HIVEP3: variants seen among roughly 807,000 people sequenced by gnomAD.
HIVEP3 encodes transcription factor HIVEP3.
In HIVEP3, 49 loss-of-function variants were observed where a neutral mutation model predicts 152.8. The observed-to-expected ratio is 0.32, with a 90% CI of 0.26 to 0.41. The LOEUF (loss-of-function observed/expected upper bound fraction) is 0.41, where lower values mean the gene tolerates loss of function less well. HIVEP3 is among the 10% of genes least tolerant of loss of function. The probability of loss-of-function intolerance (pLI) is 1.00; values close to 1 mark genes in which losing one functional copy is unlikely to be tolerated. For synonymous variants in HIVEP3, 1,269 were observed against 1,289.0 expected, an observed-to-expected ratio of 0.98 and a Z score of 0.33; for missense variants, 2,790 against 3,103.3, an observed-to-expected ratio of 0.90 and a Z score of 2.40.
At chr1:41,757,406 C>T (rs1240711723) in intron 1 of HIVEP3, among the ~76,000 whole-genome samples, 2 of 151,878 alleles carry the variant, frequency 1.3e-5, no homozygotes, top group African/African-American at 4.8e-5. Flanking sequence ...CGTGAGCCAC[C>T]GTGCCCGGCC....
intron 1 of HIVEP3, among the ~76,000 whole-genome samples, chr1:41,736,361 C>T (rs1232115034): frequency 6.6e-6 from 1 of 152,210 alleles, no homozygotes; most frequent in Admixed American, 6.5e-5. Context: ...TGACAAGCTA[C>T]AGATGCTCAG....
At chr1:41,568,324 G>T (rs1368254865) in intron 5 of HIVEP3, among the ~76,000 whole-genome samples, 1 of 152,258 alleles carries the variant, frequency 6.6e-6, no homozygotes, top group Non-Finnish European at 1.5e-5. Flanking sequence ...TCTGGAAAAA[G>T]AGCTCCAGGC....
At chr1:41,562,520 CTCCCT>C (rs1224635852) in intron 5 of HIVEP3, among the ~76,000 whole-genome samples, 9 of 144,976 alleles carry the variant, frequency 6.2e-5, no homozygotes, top group African/African-American at 1.3e-4. Flanking sequence ...TTTCTCCTTC[CTCCCT>C]TCCCTTCCCT....
At chr1:41,761,595 C>T (rs1647684822) in intron 1 of HIVEP3, among the ~76,000 whole-genome samples, 1 of 152,062 alleles carries the variant, frequency 6.6e-6, no homozygotes. Context: ...TGTATGTGTG[C>T]ATGTGTGTGT....
intron 1 of HIVEP3, among the ~76,000 whole-genome samples, chr1:41,876,765 T>TA (rs377180065): frequency 6.6e-6 from 1 of 152,356 alleles, no homozygotes; most frequent in African/African-American, 2.4e-5. Context: ...TTTGAATAGC[T>TA]AAACACTAAC....
chr1:41,605,870 T>C (rs1004191012), intron 3 of HIVEP3, among the ~76,000 whole-genome samples: 1 of 152,312 alleles, frequency 6.6e-6, no homozygotes, highest in Admixed American at 6.5e-5. Flanking sequence ...GATTTGTTTA[T>C]TTAAATAAAT....
chr1:41,890,274 C>A (rs1372503644), intron 1 of HIVEP3, among the ~76,000 whole-genome samples: 1 of 152,148 alleles, frequency 6.6e-6, no homozygotes, highest in Non-Finnish European at 1.5e-5. Flanking sequence ...CAGAGACAAC[C>A]AAACATAGCA....
intron 2 of HIVEP3, among the ~76,000 whole-genome samples, chr1:41,650,394 GAGGA>G (rs1645530064): frequency 1.3e-5 from 2 of 152,212 alleles, no homozygotes; most frequent in African/African-American, 2.4e-5. Flanking sequence ...TACAGACTCT[GAGGA>G]AGGAAGAAGA....
At chr1:41,978,747 C>T (rs1645276516) in intron 1 of HIVEP3, among the ~76,000 whole-genome samples, 1 of 152,166 alleles carries the variant, frequency 6.6e-6, no homozygotes, top group Non-Finnish European at 1.5e-5. Context: ...ACAAAAGAGA[C>T]AGAGCCATGG....
chr1:41,785,593 TG>T (rs1210630556), intron 1 of HIVEP3, among the ~76,000 whole-genome samples: 1 of 152,160 alleles, frequency 6.6e-6, no homozygotes, highest in Non-Finnish European at 1.5e-5. Context: ...AAATATTTAT[TG>T]GTGTGAGAAA....
chr1:41,890,598 AT>A (rs1224710178), intron 1 of HIVEP3, among the ~76,000 whole-genome samples: 1 of 152,242 alleles, frequency 6.6e-6, no homozygotes, highest in Admixed American at 6.5e-5. Flanking sequence ...TCCTTGGACC[AT>A]TTTACAAATG....
intron 1 of HIVEP3, among the ~76,000 whole-genome samples, chr1:41,765,764 C>A (rs1240726529): frequency 6.6e-6 from 1 of 152,132 alleles, no homozygotes; most frequent in Non-Finnish European, 1.5e-5. Flanking sequence ...TAATGTCACC[C>A]CCTCCATCTT....
At chr1:41,721,184 T>A (rs559246046) in intron 1 of HIVEP3, among the ~76,000 whole-genome samples, 1 of 151,766 alleles carries the variant, frequency 6.6e-6, no homozygotes, top group African/African-American at 2.4e-5. Flanking sequence ...GTAGATCTCA[T>A]GTGAAACATT....
At chr1:41,982,919 TC>T (rs1645301408) in intron 1 of HIVEP3, among the ~76,000 whole-genome samples, 2 of 152,140 alleles carry the variant, frequency 1.3e-5, no homozygotes, top group African/African-American at 4.8e-5. Context: ...AGAGCAGCGG[TC>T]CCCAATCTTT....
At chr1:41,829,901 A>G (rs144108847) in intron 1 of HIVEP3, among the ~76,000 whole-genome samples, 24 of 152,348 alleles carry the variant, frequency 1.6e-4, no homozygotes, top group African/African-American at 5.8e-4. Context: ...TAAGCATTCA[A>G]TAAGTATTAG....
chr1:41,526,627 T>TCCCACACACCCTCACACACCCTA (rs1553220261), intron 5 of HIVEP3, among the ~76,000 whole-genome samples: 1 of 7,498 alleles, frequency 1.3e-4, no homozygotes, highest in Non-Finnish European at 2.2e-4. Flanking sequence ...ACCTTCACCC[T>TCCCACACACCCTCACACACCCTA]CACACACACC....
intron 1 of HIVEP3, among the ~76,000 whole-genome samples, chr1:42,027,888 G>T: frequency 6.6e-6 from 1 of 152,090 alleles, no homozygotes; most frequent in African/African-American, 2.4e-5. Flanking sequence ...CCCATGATTC[G>T]ATTACCTCCC....
At chr1:41,753,948 G>C (rs1437472367) in intron 1 of HIVEP3, among the ~76,000 whole-genome samples, 2 of 152,182 alleles carry the variant, frequency 1.3e-5, no homozygotes, top group Non-Finnish European at 2.9e-5. Context: ...GGGGTAAGAG[G>C]AGAAGGCAGC....
chr1:41,532,021 T>G (rs1395932082), intron 5 of HIVEP3, among the ~76,000 whole-genome samples: 11 of 97,548 alleles, frequency 1.1e-4, no homozygotes, highest in African/African-American at 1.3e-4. Flanking sequence ...ACAGGAGAGA[T>G]GGAAGACAGG....
Sources: allele counts gnomAD v4.1 joint callset (sites outside exome capture counted in the v4.1 genomes callset), GRCh38; gene constraint gnomAD v4.1.1; transcripts MANE v1.5; gene names NCBI Gene and HGNC (gene_info 2026-07-23, HGNC 2026-07-21).